KCNH1: variants seen among roughly 807,000 people sequenced by gnomAD.
KCNH1 encodes potassium voltage-gated channel subfamily H member 1, also known as voltage-gated delayed rectifier potassium channel KCNH1.
A neutral mutation model predicts 69.2 loss-of-function variants in KCNH1; 27 were observed. The observed-to-expected ratio is 0.39, with a 90% confidence interval of 0.29 to 0.54. The LOEUF (loss-of-function observed/expected upper bound fraction) is 0.54, where lower values mean the gene tolerates loss of function less well. Among genes scored for constraint, KCNH1 ranks in the 20% least tolerant of loss-of-function variants. The pLI is 0.68. For missense variants in KCNH1, 798 were observed against 1,261.6 expected (o/e 0.63, Z 5.57); for synonymous variants, 456 against 487.7 (o/e 0.93, Z 0.86).
chr1:210,785,616 A>G (rs1215702942), intron 9 of KCNH1, among the ~76,000 whole-genome samples: 3 of 151,990 alleles, frequency 2.0e-5, no homozygotes, highest in Non-Finnish European at 2.9e-5. Context: ...CAAACTCCTG[A>G]TCTTGTGATC....
intron 6 of KCNH1, among the ~76,000 whole-genome samples, chr1:210,997,026 A>C (rs1025665101): frequency 1.3e-5 from 2 of 152,238 alleles, no homozygotes; most frequent in Non-Finnish European, 2.9e-5. Context: ...CACCATCATC[A>C]AAGACCAAAA....
At chr1:210,880,878 A>C (rs1686478437) in intron 7 of KCNH1, among the ~76,000 whole-genome samples, 1 of 152,162 alleles carries the variant, frequency 6.6e-6, no homozygotes, top group Non-Finnish European at 1.5e-5. Flanking sequence ...AAAACTCAAA[A>C]ATAAAAATAA....
At chr1:210,709,798 G>T (rs1682021575) in intron 10 of KCNH1, among the ~76,000 whole-genome samples, 2 of 152,168 alleles carry the variant, frequency 1.3e-5, no homozygotes, top group African/African-American at 4.8e-5. Flanking sequence ...TAGGCACTGT[G>T]CCTGGGTCTT....
At chr1:210,842,327 TC>T (rs1685429382) in intron 7 of KCNH1, among the ~76,000 whole-genome samples, 1 of 152,170 alleles carries the variant, frequency 6.6e-6, no homozygotes, top group Non-Finnish European at 1.5e-5. Flanking sequence ...ACAAGTGTTA[TC>T]TTAAAAAATC....
chr1:210,786,139 T>C (rs1684097052), intron 9 of KCNH1, among the ~76,000 whole-genome samples: 1 of 152,178 alleles, frequency 6.6e-6, no homozygotes, highest in African/African-American at 2.4e-5. Flanking sequence ...ATCTTGCTCC[T>C]CACCCCCATA....
chr1:210,811,771 G>A (rs1221730446), intron 7 of KCNH1, among the ~76,000 whole-genome samples: 1 of 152,048 alleles, frequency 6.6e-6, no homozygotes, highest in Non-Finnish European at 1.5e-5. Flanking sequence ...AAATAACACC[G>A]CCACCTCAAG....
intron 6 of KCNH1, among the ~76,000 whole-genome samples, chr1:211,014,430 C>T (rs1689455567): frequency 1.3e-5 from 2 of 152,302 alleles, no homozygotes; most frequent in South Asian, 4.1e-4. Context: ...TACCAACAGA[C>T]CGGAGAATGA....
chr1:211,016,299 G>A (rs1467588860), intron 6 of KCNH1, among the ~76,000 whole-genome samples: 2 of 152,088 alleles, frequency 1.3e-5, no homozygotes, highest in Non-Finnish European at 2.9e-5. Flanking sequence ...ACTCTGCTCT[G>A]TTAACCTACC....
chr1:210,837,152 T>C (rs1198882502), intron 7 of KCNH1, among the ~76,000 whole-genome samples: 1 of 152,178 alleles, frequency 6.6e-6, no homozygotes, highest in Non-Finnish European at 1.5e-5. Context: ...GCACAAGGTG[T>C]TTCTTCTGTC....
At chr1:211,017,829 C>T (rs1689519256) in intron 6 of KCNH1, among the ~76,000 whole-genome samples, 2 of 152,104 alleles carry the variant, frequency 1.3e-5, no homozygotes, top group South Asian at 2.1e-4. Context: ...AAAAGAGTTG[C>T]TATAGTTTGA....
rs1332844461 is a variant in KCNH1, at chr1:211,101,626, G to A, written c.310+1870C>T. Among the ~76,000 whole-genome samples, 4 of 152,152 alleles carry A rather than the reference G, an allele frequency of 2.6e-5. No homozygotes were observed. The East Asian group carries it at 7.7e-4, about 29-fold the overall frequency. Reference sequence around the variant, plus strand: ...GGACTCAGCAAGCAAATCACAAGCTGGTTTCCACTTCCCCCTAAGCAGGGT... The same window carrying A: ...GGACTCAGCAAGCAAATCACAAGCTAGTTTCCACTTCCCCCTAAGCAGGGT... On this transcript the variant is annotated intron_variant, in intron 3 of 10. Coordinates refer to ENST00000271751, the MANE Select transcript of KCNH1 (RefSeq NM_172362.3).
At chr1:211,124,710 TACTC>T (rs2102500434) in intron 1 of KCNH1, among the ~76,000 whole-genome samples, 1 of 152,278 alleles carries the variant, frequency 6.6e-6, no homozygotes, top group South Asian at 2.1e-4. Context: ...AAATATGACA[TACTC>T]AATGGGTAAT....
intron 10 of KCNH1, among the ~76,000 whole-genome samples, chr1:210,750,486 T>G (rs543896449): frequency 6.6e-6 from 1 of 152,100 alleles, no homozygotes; most frequent in African/African-American, 2.4e-5. Context: ...AAATCAGACA[T>G]AATTTTGGGT....
At chr1:210,762,155 A>AT (rs1190408544) in intron 10 of KCNH1, among the ~76,000 whole-genome samples, 3 of 152,212 alleles carry the variant, frequency 2.0e-5, no homozygotes, top group Non-Finnish European at 4.4e-5. Context: ...TAAGGCAGAA[A>AT]TTAAAAAAAA....
chr1:210,944,700 C>T (rs1687927721), intron 6 of KCNH1, among the ~76,000 whole-genome samples: 2 of 152,198 alleles, frequency 1.3e-5, no homozygotes, highest in Non-Finnish European at 1.5e-5. Flanking sequence ...TACATTATTC[C>T]TTGTGGCCAA....
intron 8 of KCNH1, among the ~76,000 whole-genome samples, chr1:210,801,666 C>G (rs1324823222): frequency 6.6e-6 from 1 of 152,202 alleles, no homozygotes; most frequent in Non-Finnish European, 1.5e-5. Context: ...ACCAGACTTA[C>G]AAAGGCATCC....
chr1:211,032,653 A>C lies in KCNH1; in HGVS notation c.559-13397T>G, dbSNP rs186817509. On this transcript the variant is annotated intron_variant, in intron 5 of 10. Transcript: ENST00000271751. ...CTTTGACAAACCTGACAAAAACAAG[A>C]AATGGGGAAAGGAGTCCCTATTTAA... is the stretch of plus-strand genomic sequence containing the variant. Among the ~76,000 whole-genome samples, 413 of 152,286 alleles carry C rather than the reference A, an allele frequency of 2.7e-3. 4 individuals carry two copies. The highest frequency in any genetic ancestry group is 9.5e-3 in the African/African-American group (395 of 41,564).
At chr1:211,004,211 T>C (rs1689237856) in intron 6 of KCNH1, among the ~76,000 whole-genome samples, 1 of 152,006 alleles carries the variant, frequency 6.6e-6, no homozygotes, top group South Asian at 2.1e-4. Context: ...AATATGAGAA[T>C]TGGTCACCAG....
At chr1:211,109,422 C>T (rs1231770513) in intron 1 of KCNH1, among the ~76,000 whole-genome samples, 1 of 152,140 alleles carries the variant, frequency 6.6e-6, no homozygotes, top group African/African-American at 2.4e-5. Context: ...CTCACATTTC[C>T]TGAACTGAAT....
Sources: gnomAD v4.1 joint callset for allele counts (sites outside exome capture counted in the v4.1 genomes callset) on GRCh38, gnomAD v4.1.1 for gene constraint, MANE v1.5 for transcripts, NCBI Gene and HGNC (gene_info 2026-07-23, HGNC 2026-07-21) for gene names.